TMPRSS12: variants seen among roughly 807,000 people sequenced by gnomAD.
TMPRSS12 encodes the protein transmembrane serine protease 12.
A neutral mutation model predicts 26.0 loss-of-function variants in TMPRSS12; 25 were observed. The ratio of observed to expected loss-of-function variants is 0.96; its 90% CI spans 0.70 to 1.34. The LOEUF (loss-of-function observed/expected upper bound fraction) is 1.34. Among genes scored for constraint, TMPRSS12 ranks in the 40% most tolerant of loss-of-function variants. The pLI is 0.00. For synonymous variants in TMPRSS12, 150 were observed against 161.7 expected (o/e 0.93, Z 0.55); for missense variants, 441 against 440.1 (o/e 1.00, Z -0.02).
Position 50,885,285 on chromosome 12 carries a change from A to G in TMPRSS12, c.692A>G (p.Tyr231Cys), listed in dbSNP as rs201478278. 6.2e-6 allele frequency: 10 copies of G among 1,610,872 alleles called. No homozygotes were observed. The African/African-American group carries it at 1.3e-4, about 22-fold the overall frequency. The stretch of plus-strand genomic sequence containing the variant: ...ATTTTACAAGATGCAGAAGTGCATT[A>G]TATTTCTCGAGAGATGTGTAATTCT... ...TNILQDAEVH[Y>C]ISREMCNSER... The change falls in exon 4 of 5, where the codon TAT (tyrosine) becomes TGT (cysteine). Residue 231 changes from tyrosine (Y) to cysteine (C), a missense_variant. Coordinates refer to ENST00000398458, the MANE Select transcript of TMPRSS12 (RefSeq NM_182559.3).
rs189618533 is a variant in TMPRSS12 at position 50,887,644 on chromosome 12, T to A, written c.*131T>A. ...GATTTCATGTGAACATTTTATGGGC[T>A]ATAAGTATTGTGACAGATATACAAT... On this transcript the variant is annotated 3_prime_UTR_variant, in exon 5 of 5. Transcript: ENST00000398458. 12 of 1,185,482 alleles carry A rather than the reference T, an allele frequency of 1.0e-5. No homozygotes were observed. In the African/African-American group the frequency reaches 1.7e-4, roughly 17 times the overall value. The allele number at this position is 1,185,482 out of a possible 1,614,324, so 73.4% of individuals were successfully genotyped here.
intron 3 of TMPRSS12, among the ~76,000 whole-genome samples, chr12:50,867,866 G>A (rs1103441): frequency 0.65 from 98,501 of 151,992 alleles, 32,230 homozygotes; most frequent in Non-Finnish European, 0.7. Flanking sequence ...TTTGTATCCC[G>A]TGAAACTAAC....
At chr12:50,873,482 C>G (rs1352749472) in intron 3 of TMPRSS12, among the ~76,000 whole-genome samples, 1 of 152,092 alleles carries the variant, frequency 6.6e-6, no homozygotes, top group African/African-American at 2.4e-5. Flanking sequence ...TTACTACCAA[C>G]AGTCTTTCAC....
intron 3 of TMPRSS12, among the ~76,000 whole-genome samples, chr12:50,863,374 C>T (rs1937956883): frequency 6.6e-6 from 1 of 151,700 alleles, no homozygotes; most frequent in Admixed American, 6.6e-5. Flanking sequence ...TTCTTAAAAA[C>T]ATACATGTGA....
intron 3 of TMPRSS12, among the ~76,000 whole-genome samples, chr12:50,879,086 G>A (rs1302807604): frequency 6.6e-6 from 1 of 152,180 alleles, no homozygotes; most frequent in Non-Finnish European, 1.5e-5. Context: ...AATTCCTGTT[G>A]TTTATTAAGC....
At chr12:50,865,699 G>GA (rs5798154) in intron 3 of TMPRSS12, among the ~76,000 whole-genome samples, 40,524 of 130,770 alleles carry the variant, frequency 0.31, 5,639 homozygotes, top group East Asian at 0.44. Flanking sequence ...GAACAACAAA[G>GA]AAAAAAAAAA....
At chr12:50,886,010 G>C (rs1030017357) in intron 4 of TMPRSS12, 1 of 152,634 alleles carries the variant, frequency 6.6e-6, no homozygotes, top group African/African-American at 2.4e-5. Flanking sequence ...TGGGTGCGCA[G>C]TGGTATCTCA....
intron 3 of TMPRSS12, among the ~76,000 whole-genome samples, chr12:50,877,624 A>T (rs1938124786): frequency 6.6e-6 from 1 of 152,212 alleles, no homozygotes. Context: ...ATTTTTTGAG[A>T]CAGTCTCACT....
At chr12:50,878,717 A>G (rs928062639) in intron 3 of TMPRSS12, among the ~76,000 whole-genome samples, 6 of 152,262 alleles carry the variant, frequency 3.9e-5, no homozygotes, top group African/African-American at 1.4e-4. Flanking sequence ...AGTCTTTTCA[A>G]CAAATGATGC....
chr12:50,862,263 G>C (rs931092996), intron 3 of TMPRSS12, among the ~76,000 whole-genome samples: 9 of 152,188 alleles, frequency 5.9e-5, no homozygotes, highest in Non-Finnish European at 4.4e-5. Context: ...AACTATTAAA[G>C]AGGGAGAATA....
chr12:50,852,249 G>C (rs1262049765), intron 2 of TMPRSS12, among the ~76,000 whole-genome samples: 1 of 152,168 alleles, frequency 6.6e-6, no homozygotes, highest in Non-Finnish European at 1.5e-5. Flanking sequence ...AGAGTGGCAA[G>C]TTGGATAAAA....
intron 3 of TMPRSS12, among the ~76,000 whole-genome samples, chr12:50,861,656 C>T (rs1293523088): frequency 6.6e-6 from 1 of 152,098 alleles, no homozygotes; most frequent in East Asian, 1.9e-4. Context: ...CCCCCAGCAA[C>T]ACTACAGAAA....
chr12:50,870,481 C>A (rs1005371860), intron 3 of TMPRSS12, among the ~76,000 whole-genome samples: 1 of 152,046 alleles, frequency 6.6e-6, no homozygotes, highest in African/African-American at 2.4e-5. Context: ...TATGACAAAC[C>A]CACAGCCAAC....
intron 3 of TMPRSS12, among the ~76,000 whole-genome samples, chr12:50,860,716 C>A (rs1401929549): frequency 1.3e-5 from 2 of 151,802 alleles, no homozygotes; most frequent in Non-Finnish European, 2.9e-5. Context: ...CTCAAGTAAT[C>A]CTCCTGCCTC....
At position 50,843,075 on chromosome 12, in the gene TMPRSS12, G is replaced by T; in HGVS notation, c.111G>T (p.Pro37=). 1 of 1,588,210 alleles carries T rather than the reference G, an allele frequency of 6.3e-7. No individual in the cohort carries two copies. Among genetic ancestry groups the T allele is most frequent in the Non-Finnish European group, 8.6e-7 (1 of 1,167,896 alleles). The part of the protein sequence containing the change: ...GRHRLGPSPE[P]AASSQQAEAV... ...ACAGGCTCGGCCCCTCGCCGGAACC[G>T]GCGGCTAGTTCCCAGCAGGCTGAGG... Residue 37 remains proline (P), a synonymous_variant, in exon 1 of 5, where the codon CCG becomes CCT. Coordinates refer to ENST00000398458, the MANE Select transcript of TMPRSS12 (RefSeq NM_182559.3).
Position 50,887,446 on chromosome 12 carries a change from C to T in TMPRSS12, c.980C>T (p.Thr327Ile), listed in dbSNP as rs376503732. 1.4e-4 allele frequency: 220 copies of T among 1,613,776 alleles called. No homozygotes were observed. Among genetic ancestry groups the T allele is most frequent in the Non-Finnish European group, 1.0e-4 (123 of 1,179,872 alleles). The change falls in exon 5 of 5, where the codon ACT (threonine) becomes ATT (isoleucine). Residue 327 changes from threonine (T) to isoleucine (I), a missense_variant. Transcript: ENST00000398458. ...CATGCAAGCACTCAAGGCATACTTA[C>T]TATAAATATTTTACGTGGCCAGATC... Reference protein sequence around the residue: ...FFHASTQGILTINILRGQILI... With the variant: ...FFHASTQGILIINILRGQILI...
intron 2 of TMPRSS12, among the ~76,000 whole-genome samples, chr12:50,849,007 G>A (rs1937799742): frequency 6.6e-6 from 1 of 152,270 alleles, no homozygotes; most frequent in Non-Finnish European, 1.5e-5. Context: ...TGGGACTACA[G>A]GCATGTGCTA....
chr12:50,859,698 A>G (rs1937917107), intron 3 of TMPRSS12, among the ~76,000 whole-genome samples: 1 of 152,132 alleles, frequency 6.6e-6, no homozygotes, highest in Non-Finnish European at 1.5e-5. Context: ...AATGCTTTCT[A>G]CTGTATCACA....
intron 3 of TMPRSS12, among the ~76,000 whole-genome samples, chr12:50,877,300 C>T (rs879878561): frequency 6.6e-6 from 1 of 152,144 alleles, no homozygotes; most frequent in Non-Finnish European, 1.5e-5. Flanking sequence ...GCTAACCATC[C>T]TACCTAATGG....
Sources: gnomAD v4.1 joint callset for allele counts (sites outside exome capture counted in the v4.1 genomes callset) on GRCh38, gnomAD v4.1.1 for gene constraint, MANE v1.5 for transcripts, NCBI Gene and HGNC (gene_info 2026-07-23, HGNC 2026-07-21) for gene names.